PLEKHA2: variants seen among roughly 807,000 people sequenced by gnomAD.
PLEKHA2 encodes pleckstrin homology domain containing A2.
Under a neutral mutation model 53.2 loss-of-function variants are expected in PLEKHA2, and 28 were observed. That is an observed-to-expected ratio of 0.53 (90% CI 0.39 to 0.72). The LOEUF is 0.72. PLEKHA2 is among the 30% of genes least tolerant of loss of function. PLEKHA2 has a pLI of 0.00. For missense variants in PLEKHA2, 426 were observed against 537.9 expected, an observed-to-expected ratio of 0.79 and a Z score of 2.06; for synonymous variants, 193 against 196.4, an observed-to-expected ratio of 0.98 and a Z score of 0.14.
Position 38,970,058 on chromosome 8 carries a change from A to G in PLEKHA2, c.*275A>G, listed in dbSNP as rs186493661. 1.1e-5 allele frequency: 6 copies of G among 546,986 alleles called. No individual in the cohort carries two copies. In the Admixed American group the frequency reaches 1.1e-4, roughly 10 times the overall value. The allele number at this position is 546,986 out of a possible 1,614,324, so 33.9% of individuals were successfully genotyped here. ...ATACTCAGTGGAGAGGAAGCTACCT[A>G]TTCTATTCTAACTATTCTGAGGTCT... On this transcript the variant is annotated 3_prime_UTR_variant, in exon 12 of 12. Coordinates refer to ENST00000617275, the MANE Select transcript of PLEKHA2 (RefSeq NM_021623.2).
chr8:38,930,297 G>T (rs941188769), intron 2 of PLEKHA2, among the ~76,000 whole-genome samples: 21 of 152,272 alleles, frequency 1.4e-4, no homozygotes, highest in African/African-American at 4.6e-4. Context: ...CGCCTCCTGG[G>T]TTCAAGCAAT....
In PLEKHA2 at chr8:38,969,659, A is replaced by T. The variant is rs574375696; in HGVS notation, c.1154A>T (p.Glu385Val). ...EDSLFTPRPG[E>V]GSAPGVLPSS... is the part of the protein sequence containing the mutation. ...TCCTTGTTCACGCCTCGTCCTGGGG[A>T]GGGCAGCGCTCCTGGGGTGCTGCCC... is the stretch of plus-strand genomic sequence containing the variant. The change falls in exon 12 of 12, where the codon GAG becomes GTG. Residue 385 changes from glutamate to valine, a missense_variant. Coordinates refer to ENST00000617275, the MANE Select transcript of PLEKHA2 (RefSeq NM_021623.2). The T allele has an allele frequency of 6.3e-7, 1 of 1,593,314 alleles. No homozygotes were observed. Among genetic ancestry groups the T allele is most frequent in the East Asian group, 2.3e-5 (1 of 43,780 alleles).
chr8:38,926,217 C>T (rs2129417172), intron 2 of PLEKHA2, among the ~76,000 whole-genome samples: 1 of 151,838 alleles, frequency 6.6e-6, no homozygotes, highest in African/African-American at 2.4e-5. Flanking sequence ...TTGTGATTTC[C>T]AGGAGTCAGT....
At chr8:38,907,938 C>A (rs1434737673) in intron 1 of PLEKHA2, among the ~76,000 whole-genome samples, 1 of 152,002 alleles carries the variant, frequency 6.6e-6, no homozygotes, top group Non-Finnish European at 1.5e-5. Context: ...CAACTGCAAC[C>A]TCCACCTCCT....
chr8:38,934,829 T>A (rs1415842244), intron 2 of PLEKHA2, among the ~76,000 whole-genome samples: 2 of 151,994 alleles, frequency 1.3e-5, no homozygotes, highest in East Asian at 3.9e-4. Context: ...TATATATATA[T>A]ATTTTTATTT....
intron 1 of PLEKHA2, among the ~76,000 whole-genome samples, chr8:38,909,959 C>CTTTT (rs71216695): frequency 2.1e-5 from 3 of 141,540 alleles, no homozygotes; most frequent in Non-Finnish European, 4.6e-5. Flanking sequence ...CATTAAAATA[C>CTTTT]TTTTTTTTTT....
intron 1 of PLEKHA2, among the ~76,000 whole-genome samples, chr8:38,904,290 C>G (rs978149353): frequency 6.6e-6 from 1 of 152,228 alleles, no homozygotes; most frequent in African/African-American, 2.4e-5. Flanking sequence ...GGTCCCAGCC[C>G]TGCTGGGGCA....
intron 3 of PLEKHA2, among the ~76,000 whole-genome samples, chr8:38,941,424 C>T (rs1834610972): frequency 6.6e-6 from 1 of 152,204 alleles, no homozygotes; most frequent in Non-Finnish European, 1.5e-5. Context: ...GTTTACTTGA[C>T]GTAACATCCT....
chr8:38,951,037 G>A (rs1275476384), intron 6 of PLEKHA2, 47 bp downstream of exon 6: 1 of 1,558,924 alleles, frequency 6.4e-7, no homozygotes. Context: ...GTGTGGAAGT[G>A]TCCATGGTGT....
chr8:38,918,167 C>T (rs1366060021), intron 2 of PLEKHA2, 97 bp downstream of exon 2: 9 of 1,440,886 alleles, frequency 6.2e-6, no homozygotes, highest in Non-Finnish European at 7.5e-6. Context: ...GGCTCGTGAG[C>T]AACACAACCT....
At chr8:38,920,348 G>C (rs1400187857) in intron 2 of PLEKHA2, among the ~76,000 whole-genome samples, 1 of 151,982 alleles carries the variant, frequency 6.6e-6, no homozygotes, top group Admixed American at 6.6e-5. Flanking sequence ...TAGAGACGGG[G>C]TTTCACTGTG....
chr8:38,965,743 G>A (rs1588280513), intron 10 of PLEKHA2, among the ~76,000 whole-genome samples: 2 of 152,116 alleles, frequency 1.3e-5, no homozygotes, highest in East Asian at 1.9e-4. Context: ...AGGGCAATGC[G>A]CTTATCTGTA....
chr8:38,908,378 A>G (rs1833909720), intron 1 of PLEKHA2, among the ~76,000 whole-genome samples: 1 of 152,218 alleles, frequency 6.6e-6, no homozygotes, highest in Non-Finnish European at 1.5e-5. Flanking sequence ...ACATTTATTT[A>G]TTAGGTTTAG....
chr8:38,957,705 G>T (rs1834967821), intron 10 of PLEKHA2, among the ~76,000 whole-genome samples: 1 of 152,222 alleles, frequency 6.6e-6, no homozygotes, highest in East Asian at 1.9e-4. Flanking sequence ...CCTTTGGAGG[G>T]TATTTATAAG....
intron 3 of PLEKHA2, among the ~76,000 whole-genome samples, chr8:38,941,301 C>T (rs74458590): frequency 0.04 from 6,076 of 152,244 alleles, 418 homozygotes; most frequent in African/African-American, 0.14. Context: ...AGTGATCCAC[C>T]GGCTGTGGCC....
rs56714628 is a variant in PLEKHA2, at chr8:38,964,852, C to CTTTTTTTTTTT, written c.838-3720_838-3710dup. On this transcript the variant is annotated intron_variant, in intron 10 of 11. Coordinates refer to ENST00000617275, the MANE Select transcript of PLEKHA2 (RefSeq NM_021623.2). The stretch of plus-strand genomic sequence containing the variant: ...TATTTTATTTTTTCTTGTTACTTCC[C>CTTTTTTTTTTT]TTTTTTTTTTTTTTTTTTTTTTTTT... Among the ~76,000 whole-genome samples the CTTTTTTTTTTT allele has an allele frequency of 1.5e-4, 8 of 54,968 alleles. 3 individuals carry two copies. The East Asian group carries it at 3.4e-3, about 23-fold the overall frequency. 36.1% of individuals were successfully genotyped at this position (54,968 alleles called of 152,430 possible).
intron 2 of PLEKHA2, among the ~76,000 whole-genome samples, chr8:38,934,488 G>A (rs1834454950): frequency 6.6e-6 from 1 of 151,798 alleles, no homozygotes; most frequent in Non-Finnish European, 1.5e-5. Flanking sequence ...TTTCTTGGAG[G>A]CTTTTGGCAA....
intron 2 of PLEKHA2, among the ~76,000 whole-genome samples, chr8:38,934,657 T>A (rs1015666389): frequency 2.0e-5 from 3 of 152,110 alleles, no homozygotes; most frequent in African/African-American, 7.2e-5. Context: ...GTGGGGACAT[T>A]AGAAAGCCAA....
chr8:38,905,807 C>T (rs981809227), intron 1 of PLEKHA2, among the ~76,000 whole-genome samples: 16 of 151,462 alleles, frequency 1.1e-4, no homozygotes, highest in Non-Finnish European at 8.8e-5. Flanking sequence ...GCTTCAGCCT[C>T]CCAAGTAGCT....
Sources: gnomAD v4.1 joint callset for allele counts (sites outside exome capture counted in the v4.1 genomes callset) on GRCh38, gnomAD v4.1.1 for gene constraint, MANE v1.5 for transcripts, NCBI Gene and HGNC (gene_info 2026-07-23, HGNC 2026-07-21) for gene names.